HGF: variants seen among roughly 807,000 people sequenced by gnomAD.
The protein encoded by HGF is fibroblast-derived tumor cytotoxic factor.
Under a neutral mutation model 111.6 loss-of-function variants are expected in HGF, and 39 were observed. The observed-to-expected ratio is 0.35, with a 90% confidence interval of 0.27 to 0.46. HGF has a LOEUF of 0.46. HGF is among the 20% of genes least tolerant of loss of function. The pLI is 1.00. For synonymous variants in HGF, 285 were observed against 294.8 expected (o/e 0.97, Z 0.34); for missense variants, 735 against 910.5 (o/e 0.81, Z 2.48).
chr7:81,751,800 G>T, intron 5 of HGF: 1 of 1,150,092 alleles, frequency 8.7e-7, no homozygotes, highest in Non-Finnish European at 1.1e-6. Flanking sequence ...CCTTTCAGGT[G>T]CCACACAGTA....
intron 7 of HGF, among the ~76,000 whole-genome samples, chr7:81,739,912 C>T (rs911334856): frequency 2.6e-5 from 4 of 152,032 alleles, no homozygotes; most frequent in African/African-American, 9.7e-5. Context: ...CTTACTTGAT[C>T]TGCCTCATAT....
intron 10 of HGF, among the ~76,000 whole-genome samples, chr7:81,719,154 C>T (rs1297260408): frequency 6.6e-6 from 1 of 152,160 alleles, no homozygotes; most frequent in Non-Finnish European, 1.5e-5. Context: ...TTTGCACATG[C>T]AATTTCTTGT....
intron 1 of HGF, among the ~76,000 whole-genome samples, chr7:81,763,665 C>A (rs1789213836): frequency 6.6e-6 from 1 of 152,100 alleles, no homozygotes; most frequent in South Asian, 2.1e-4. Flanking sequence ...AAAACTTGTT[C>A]TCTGTATTCT....
chr7:81,769,639 G>C (rs950289577), intron 1 of HGF, among the ~76,000 whole-genome samples: 9 of 152,100 alleles, frequency 5.9e-5, no homozygotes, highest in African/African-American at 2.2e-4. Flanking sequence ...TAAGTGGGAC[G>C]GGGCTTGGGT....
chr7:81,734,140 A>C (rs1376261352), intron 7 of HGF, among the ~76,000 whole-genome samples: 1 of 152,148 alleles, frequency 6.6e-6, no homozygotes, highest in Non-Finnish European at 1.5e-5. Flanking sequence ...CAAGTATTTT[A>C]AAATACAGCA....
At chr7:81,750,488 A>G (rs1207523115) in intron 5 of HGF, among the ~76,000 whole-genome samples, 1 of 152,194 alleles carries the variant, frequency 6.6e-6, no homozygotes, top group Non-Finnish European at 1.5e-5. Context: ...TCAAATTATT[A>G]AAGATACTAG....
Position 81,745,017 on chromosome 7 carries a change from G to A in HGF, c.729C>T (p.His243=), listed in dbSNP as rs762316469. The change falls in exon 6 of 18, where the codon CAC becomes CAT. Residue 243 remains histidine (H), a synonymous_variant. Coordinates refer to ENST00000222390, the MANE Select transcript of HGF (RefSeq NM_000601.6). ...QRWDHQTPHR[H]KFLPERYPDK... ...TATTTTACCTTTCAGGCAAGAATTT[G>A]TGCCGGTGTGGTGTCTGATGATCCC... 36 of 1,613,888 alleles carry A rather than the reference G, an allele frequency of 2.2e-5. No homozygotes were observed. The highest frequency in any genetic ancestry group is 3.1e-5 in the Non-Finnish European group (36 of 1,179,968).
At chr7:81,751,284 GT>G in intron 5 of HGF, 1 of 984,774 alleles carries the variant, frequency 1.0e-6, no homozygotes, top group Non-Finnish European at 1.2e-6. Context: ...TTTCATCCAT[GT>G]TTCACTTAGA....
chr7:81,722,788 T>C (rs1789899009), intron 9 of HGF, among the ~76,000 whole-genome samples: 1 of 114,994 alleles, frequency 8.7e-6, no homozygotes. Context: ...CAATCCAGCC[T>C]GGGCGACAGA....
intron 5 of HGF, 28 bp from the exon 6 acceptor site, chr7:81,745,148 A>G (rs747873784): frequency 6.2e-7 from 1 of 1,612,458 alleles, no homozygotes; most frequent in Admixed American, 1.7e-5. Context: ...TGGCATGTTA[A>G]TTGTTTCTGA....
chr7:81,766,379 A>G (rs375556184), intron 1 of HGF, among the ~76,000 whole-genome samples: 15 of 152,340 alleles, frequency 9.8e-5, no homozygotes, highest in African/African-American at 3.4e-4. Flanking sequence ...GAAAGTACAC[A>G]AATAATTAAT....
Position 81,701,374 on chromosome 7 carries a change from T to A in HGF, c.*1207A>T, listed in dbSNP as rs983541872. The A allele has an allele frequency of 2.6e-5, 4 of 151,556 alleles. No homozygotes were observed. Among genetic ancestry groups the A allele is most frequent in the African/African-American group, 9.7e-5 (4 of 41,396 alleles). The allele number at this position is 151,556 out of a possible 1,614,324, so 9.4% of individuals were successfully genotyped here. A position where few individuals can be genotyped will look rare whatever the true frequency, so the allele number is the denominator to read the frequency against. On this transcript the variant is annotated 3_prime_UTR_variant, in exon 18 of 18. Coordinates refer to ENST00000222390, the MANE Select transcript of HGF (RefSeq NM_000601.6). ...TCAAAAAAGCTTTATTAGGCTAAAA[T>A]CTTCCAGGTTGAGAAAAGTATTTTT... is the stretch of plus-strand genomic sequence containing the variant.
At position 81,717,104 on chromosome 7, in the gene HGF, G is replaced by A. The variant is rs5745724; in HGVS notation, c.1405+128C>T. ...GTGTGTGTGTTGTGTACATTTGTGT[G>A]TGTTGCTCTCTGGAGAGCTTCCTCA... On this transcript the variant is annotated intron_variant, in intron 11 of 17. Coordinates refer to ENST00000222390, the MANE Select transcript of HGF (RefSeq NM_000601.6). 5,476 of 814,196 alleles carry A rather than the reference G, an allele frequency of 6.7e-3. 200 individuals are homozygous for A. The African/African-American group carries it at 0.079, about 12-fold the overall frequency. The allele number at this position is 814,196 out of a possible 1,614,324, so 50.4% of individuals were successfully genotyped here.
At position 81,726,035 on chromosome 7, in the gene HGF, G is replaced by A. The variant is rs1228346969; in HGVS notation, c.1041-18C>T. 1 of 1,613,498 alleles carries A rather than the reference G, an allele frequency of 6.2e-7. No individual in the cohort carries two copies. On this transcript the variant is annotated intron_variant, in intron 8 of 17. Coordinates refer to ENST00000222390, the MANE Select transcript of HGF (RefSeq NM_000601.6). Reference sequence around the variant, plus strand: ...GTAGGTCCCTATTGAGAATAAGCATGTTAATGTAAATTGCCGGAGTTCTTA... The same window carrying A: ...GTAGGTCCCTATTGAGAATAAGCATATTAATGTAAATTGCCGGAGTTCTTA...
intron 14 of HGF, 96 bp from the exon 15 acceptor site, chr7:81,706,523 A>G: frequency 2.0e-6 from 2 of 982,662 alleles, no homozygotes; most frequent in South Asian, 1.4e-5. Context: ...ATTAAGGCAC[A>G]TAACCTAAAT....
At chr7:81,753,506 G>A (rs1450099018) in intron 4 of HGF, among the ~76,000 whole-genome samples, 2 of 151,896 alleles carry the variant, frequency 1.3e-5, no homozygotes, top group Non-Finnish European at 2.9e-5. Flanking sequence ...CCTACCCAAT[G>A]AAACTTCTAA....
chr7:81,704,633 T>G (rs187674318), intron 17 of HGF, among the ~76,000 whole-genome samples: 1 of 151,922 alleles, frequency 6.6e-6, no homozygotes, highest in Non-Finnish European at 1.5e-5. Context: ...CATATTTATG[T>G]TCCATACTTA....
chr7:81,729,713 T>C lies in HGF; in HGVS notation c.932A>G (p.Glu311Gly), dbSNP rs771299734. ...ETTECIQGQG[E>G]GYRGTVNTIW... is the part of the protein sequence containing the mutation. ...GGTATTGACAGTGCCCCTGTAGCCT[T>C]CTCCTTGACCTTGGATGCATTCAGT... The change falls in exon 8 of 18, where the codon GAA becomes GGA. Residue 311 changes from glutamate (E) to glycine (G), a missense_variant. Physicochemically the swap from Glu to Gly is moderately conservative, Grantham distance 98. Coordinates refer to ENST00000222390, the MANE Select transcript of HGF (RefSeq NM_000601.6). The C allele has an allele frequency of 1.9e-5, 30 of 1,613,764 alleles. No individual in the cohort carries two copies. The highest frequency in any genetic ancestry group is 1.8e-5 in the Non-Finnish European group (21 of 1,179,862).
At chr7:81,754,646 G>C (rs925476826) in intron 4 of HGF, among the ~76,000 whole-genome samples, 1 of 151,972 alleles carries the variant, frequency 6.6e-6, no homozygotes. Flanking sequence ...AACCTCTCTA[G>C]GACATGAAGG....
Sources: gnomAD v4.1 joint callset for allele counts (sites outside exome capture counted in the v4.1 genomes callset) on GRCh38, gnomAD v4.1.1 for gene constraint, MANE v1.5 for transcripts, NCBI Gene and HGNC (gene_info 2026-07-23, HGNC 2026-07-21) for gene names.